The following RLBP1 variants were observed in gnomAD, a reference collection of about 807,000 sequenced individuals.
The protein encoded by RLBP1 is retinaldehyde binding protein 1.
A neutral mutation model predicts 36.2 loss-of-function variants in RLBP1; 26 were observed. The observed-to-expected ratio is 0.72, with a 90% CI of 0.53 to 1.00. RLBP1 has a LOEUF of 1.00. Ranked by LOEUF, RLBP1 falls within the 50% of genes least tolerant of loss-of-function variation. The probability of loss-of-function intolerance (pLI) is 0.00; values close to 1 mark genes in which losing one functional copy is unlikely to be tolerated. For synonymous variants in RLBP1, 155 were observed against 156.2 expected (o/e 0.99, Z 0.06); for missense variants, 410 against 402.4 (o/e 1.02, Z -0.16).
At position 89,218,730 on chromosome 15, in the gene RLBP1, C is replaced by A. The variant is rs377418975; in HGVS notation, c.13-37G>T. The A allele has an allele frequency of 1.2e-6, 2 of 1,612,148 alleles. No homozygotes were observed. Among genetic ancestry groups the A allele is most frequent in the Non-Finnish European group, 8.5e-7 (1 of 1,180,022 alleles). Reference sequence around the variant, plus strand: ...AAGGAAAAAGAGGAACAGCCAACCGCATCAGCCTGAGCCAGCCAGGGAAAT... The same window carrying A: ...AAGGAAAAAGAGGAACAGCCAACCGAATCAGCCTGAGCCAGCCAGGGAAAT... On this transcript the variant is annotated intron_variant, in intron 3 of 8. Coordinates refer to ENST00000268125, the MANE Select transcript of RLBP1 (RefSeq NM_000326.5). The surrounding 1 kb of genome is among the most constrained non-coding windows in gnomAD (Gnocchi z 4.6).
chr15:89,210,456 A>T lies in RLBP1; in HGVS notation c.796-13T>A. 1 of 1,614,084 alleles carries T rather than the reference A, an allele frequency of 6.2e-7. No homozygotes were observed. The highest frequency in any genetic ancestry group is 1.3e-5 in the African/African-American group (1 of 75,038). The stretch of plus-strand genomic sequence containing the variant: ...CGTGGACAAAGACCTGCAGGGAAGC[A>T]AGGGAGACAGAACTGAGCAGGAGGA... On this transcript the variant is annotated splice_polypyrimidine_tract_variant and intron_variant, in intron 8 of 8. Coordinates refer to ENST00000268125, the MANE Select transcript of RLBP1 (RefSeq NM_000326.5). This position sits in a 1 kb window ranked among gnomAD's most constrained non-coding sequence, Gnocchi z 4.7.
Position 89,218,830 on chromosome 15 carries a change from C to T in RLBP1, c.12+134G>A, listed in dbSNP as rs8041655. 2.1e-3 allele frequency: 3,118 copies of T among 1,520,520 alleles called. 59 individuals are homozygous for T. In the African/African-American group the frequency reaches 0.039, roughly 19 times the overall value. The allele number at this position is 1,520,520 out of a possible 1,614,324, so 94.2% of individuals were successfully genotyped here. The stretch of plus-strand genomic sequence containing the variant: ...CCTCCTTTTGTGGGGTCAGGACCCA[C>T]ACAGGGGTTATAGAAGTGTGTGCCT... On this transcript the variant is annotated intron_variant, in intron 3 of 8. Transcript: ENST00000268125. The surrounding 1 kb of genome is among the most constrained non-coding windows in gnomAD (Gnocchi z 4.6).
chr15:89,215,796 C>T (rs1207259523), intron 5 of RLBP1, among the ~76,000 whole-genome samples: 1 of 152,216 alleles, frequency 6.6e-6, no homozygotes, highest in Admixed American at 6.5e-5. Flanking sequence ...AGGACCTGGG[C>T]ACCTCTGCCA....
intron 6 of RLBP1, among the ~76,000 whole-genome samples, chr15:89,212,201 T>C (rs1034976055): frequency 1.3e-5 from 2 of 152,218 alleles, no homozygotes; most frequent in Non-Finnish European, 2.9e-5. Flanking sequence ...TGGAATACTC[T>C]GGAACAATTA....
intron 2 of RLBP1, 34 bp from the exon 3 acceptor site, chr15:89,219,109 C>G: frequency 9.8e-7 from 1 of 1,021,466 alleles, no homozygotes; most frequent in Non-Finnish European, 1.5e-6. Context: ...CTGTTATTGT[C>G]TCAGAACTGT....
chr15:89,217,340 G>A lies in RLBP1; in HGVS notation c.142-16C>T, dbSNP rs2051591031. ...CATCCTTGGCCTAGAACAGGGTGGG[G>A]TGTGCATGAAGTTAAACTTAGGTGC... is the stretch of plus-strand genomic sequence containing the variant. On this transcript the variant is annotated splice_polypyrimidine_tract_variant and intron_variant, in intron 4 of 8. Coordinates refer to ENST00000268125, the MANE Select transcript of RLBP1 (RefSeq NM_000326.5). 1.2e-6 allele frequency: 2 copies of A among 1,601,920 alleles called. No homozygotes were observed. Among genetic ancestry groups the A allele is most frequent in the South Asian group, 1.1e-5 (1 of 91,082 alleles).
chr15:89,214,536 G>A lies in RLBP1; in HGVS notation c.525+524C>T, dbSNP rs1036843703. On this transcript the variant is annotated intron_variant, in intron 6 of 8. Coordinates refer to ENST00000268125, the MANE Select transcript of RLBP1 (RefSeq NM_000326.5). The surrounding 1 kb of genome is among the most constrained non-coding windows in gnomAD (Gnocchi z 4.6). ...ATTAAAGGAATCTTTTTCAGGCTCA[G>A]TGGCGCATGCCAAAGTTCTCCCAAG... 1.3e-5 allele frequency among the ~76,000 whole-genome samples: 2 copies of A among 152,120 alleles called. No homozygotes were observed. The highest frequency in any genetic ancestry group is 2.9e-5 in the Non-Finnish European group (2 of 68,030).
chr15:89,218,731 A>G lies in RLBP1; in HGVS notation c.13-38T>C, dbSNP rs778963894. 3.3e-5 allele frequency: 53 copies of G among 1,611,936 alleles called. No individual in the cohort carries two copies. The East Asian group carries it at 1.1e-3, about 35-fold the overall frequency. Reference sequence around the variant, plus strand: ...AGGAAAAAGAGGAACAGCCAACCGCATCAGCCTGAGCCAGCCAGGGAAATG... The same window carrying G: ...AGGAAAAAGAGGAACAGCCAACCGCGTCAGCCTGAGCCAGCCAGGGAAATG... On this transcript the variant is annotated intron_variant, in intron 3 of 8. Transcript: ENST00000268125. This position sits in a 1 kb window ranked among gnomAD's most constrained non-coding sequence, Gnocchi z 4.6.
intron 4 of RLBP1, 144 bp from the exon 5 acceptor site, chr15:89,217,468 G>T: frequency 1.3e-6 from 1 of 758,736 alleles, no homozygotes; most frequent in Non-Finnish European, 2.3e-6. Flanking sequence ...CTGCCCCAGG[G>T]GCAGCATCTG....
rs560723808 is a variant in RLBP1 at position 89,216,480 on chromosome 15, G to A, written c.346+640C>T. 9.9e-5 allele frequency among the ~76,000 whole-genome samples: 15 copies of A among 152,250 alleles called. No homozygotes were observed. In the South Asian group the frequency reaches 2.5e-3, roughly 25 times the overall value. On this transcript the variant is annotated intron_variant, in intron 5 of 8. Transcript: ENST00000268125. ...TGAGATTACAGGCATGCGCCACCAC[G>A]CCCGGCTAGTTTTGTATTTTTAGTA...
chr15:89,218,852 G>A lies in RLBP1; in HGVS notation c.12+112C>T, dbSNP rs1016319238. 4 of 1,497,682 alleles carry A rather than the reference G, an allele frequency of 2.7e-6. No individual in the cohort carries two copies. The highest frequency in any genetic ancestry group is 1.7e-4 in the Middle Eastern group (1 of 5,840). 92.8% of individuals were successfully genotyped at this position (1,497,682 alleles called of 1,614,324 possible). On this transcript the variant is annotated intron_variant, in intron 3 of 8. Coordinates refer to ENST00000268125, the MANE Select transcript of RLBP1 (RefSeq NM_000326.5). The surrounding 1 kb of genome is among the most constrained non-coding windows in gnomAD (Gnocchi z 4.6). ...CCACACAGGGGTTATAGAAGTGTGT[G>A]CCTATATTCCCGGGCAGAGCATAAG...
Position 89,210,637 on chromosome 15 carries a change from G to T in RLBP1, c.795+62C>A. On this transcript the variant is annotated intron_variant, in intron 8 of 8. Transcript: ENST00000268125. This position sits in a 1 kb window ranked among gnomAD's most constrained non-coding sequence, Gnocchi z 4.7. ...AGGACCATGGTAGAGTGTGAGGAGGGCTCAGGTGAGGCCCCACCCTCAGCC... is the reference window on the plus strand; with the variant it reads ...AGGACCATGGTAGAGTGTGAGGAGGTCTCAGGTGAGGCCCCACCCTCAGCC... 5.3e-6 allele frequency: 7 copies of T among 1,318,972 alleles called. No homozygotes were observed. The highest frequency in any genetic ancestry group is 7.5e-6 in the Non-Finnish European group (7 of 932,894). 81.7% of individuals were successfully genotyped at this position (1,318,972 alleles called of 1,614,324 possible).
Position 89,218,949 on chromosome 15 carries a change from G to A in RLBP1, c.12+15C>T. 1 of 1,613,640 alleles carries A rather than the reference G, an allele frequency of 6.2e-7. No individual in the cohort carries two copies. Reference sequence around the variant, plus strand: ...AAGGTGGGTGGAGGAGAGCCCTGGAGGACAGGGTACTTACCCCTTCTGACA... The same window carrying A: ...AAGGTGGGTGGAGGAGAGCCCTGGAAGACAGGGTACTTACCCCTTCTGACA... On this transcript the variant is annotated intron_variant, in intron 3 of 8. Coordinates refer to ENST00000268125, the MANE Select transcript of RLBP1 (RefSeq NM_000326.5). The surrounding 1 kb of genome is among the most constrained non-coding windows in gnomAD (Gnocchi z 4.6).
chr15:89,218,762 G>T lies in RLBP1; in HGVS notation c.13-69C>A. On this transcript the variant is annotated intron_variant, in intron 3 of 8. Coordinates refer to ENST00000268125, the MANE Select transcript of RLBP1 (RefSeq NM_000326.5). The surrounding 1 kb of genome is among the most constrained non-coding windows in gnomAD (Gnocchi z 4.6). ...CTGAGCCAGCCAGGGAAATGGGCCT[G>T]CTCAGACCTTCAGTTCTTTTGCCCA... is the stretch of plus-strand genomic sequence containing the variant. 1 of 1,607,028 alleles carries T rather than the reference G, an allele frequency of 6.2e-7. No individual in the cohort carries two copies.
At position 89,215,089 on chromosome 15, in the gene RLBP1, A is replaced by T. The variant is rs751664968; in HGVS notation, c.496T>A (p.Trp166Arg). The T allele has an allele frequency of 6.2e-7, 1 of 1,614,218 alleles. No homozygotes were observed. The highest frequency in any genetic ancestry group is 1.1e-5 in the South Asian group (1 of 91,086). ...TCAAAGGTGATTTCTTGACTTTGCC[A>T]GTTCTCAATGTTGAAGAGCATGACC... ...RVVMLFNIEN[W>R]QSQEITFDEI... The change falls in exon 6 of 9, where the codon TGG (tryptophan) becomes AGG (arginine). Residue 166 changes from tryptophan to arginine, a missense_variant. By Grantham distance (101) the Trp-to-Arg change is moderately radical. Transcript: ENST00000268125.
At position 89,214,630 on chromosome 15, in the gene RLBP1, TTTTGC is replaced by T. The variant is rs72209456; in HGVS notation, c.525+425_525+429del. Among the ~76,000 whole-genome samples the T allele has an allele frequency of 0.48, 72,447 of 151,754 alleles. 18,486 individuals are homozygous for T. Among genetic ancestry groups the T allele is most frequent in the East Asian group, 0.67 (3,468 of 5,148 alleles). ...CAGACAAGCAAAATTGCGTACACAA[TTTTGC>T]GAGCACAAAGAACTCGGGCTCCTAA... On this transcript the variant is annotated intron_variant, in intron 6 of 8. Coordinates refer to ENST00000268125, the MANE Select transcript of RLBP1 (RefSeq NM_000326.5). The surrounding 1 kb of genome is among the most constrained non-coding windows in gnomAD (Gnocchi z 4.6).
At chr15:89,221,309 T>A (rs2051625147) in intron 1 of RLBP1, among the ~76,000 whole-genome samples, 1 of 152,226 alleles carries the variant, frequency 6.6e-6, no homozygotes, top group South Asian at 2.1e-4. Flanking sequence ...ATGTGAACTT[T>A]TTTAATACTA....
Position 89,210,826 on chromosome 15 carries a change from A to G in RLBP1, c.685-17T>C. ...GAAGGAATCCTGCGGTGACAGAGAG[A>G]TACCCCGTTCCCCATGGCCCCAGTG... On this transcript the variant is annotated splice_polypyrimidine_tract_variant and intron_variant, in intron 7 of 8. Coordinates refer to ENST00000268125, the MANE Select transcript of RLBP1 (RefSeq NM_000326.5). The surrounding 1 kb of genome is among the most constrained non-coding windows in gnomAD (Gnocchi z 4.7). 1 of 1,534,654 alleles carries G rather than the reference A, an allele frequency of 6.5e-7. No homozygotes were observed. Among genetic ancestry groups the G allele is most frequent in the Non-Finnish European group, 8.9e-7 (1 of 1,126,428 alleles).
intron 1 of RLBP1, among the ~76,000 whole-genome samples, chr15:89,221,148 C>T (rs889862770): frequency 6.6e-6 from 1 of 151,878 alleles, no homozygotes; most frequent in Non-Finnish European, 1.5e-5. Flanking sequence ...GCTGGAACTA[C>T]AGGTGCCCAC....
Sources: allele counts gnomAD v4.1 joint callset (sites outside exome capture counted in the v4.1 genomes callset), GRCh38; gene constraint gnomAD v4.1.1; non-coding constraint Gnocchi (gnomAD v3.1); transcripts MANE v1.5; gene names NCBI Gene and HGNC (gene_info 2026-07-23, HGNC 2026-07-21).